Variants in PPFIA1 observed in about 807,000 individuals in gnomAD.
The protein encoded by PPFIA1 is liprin-alpha-1.
In PPFIA1, 25 loss-of-function variants were observed where a neutral mutation model predicts 149.9. The ratio of observed to expected loss-of-function variants is 0.17; its 90% CI spans 0.12 to 0.23. The LOEUF (loss-of-function observed/expected upper bound fraction) is 0.23, where lower values mean the gene tolerates loss of function less well. Among genes scored for constraint, PPFIA1 ranks in the 10% least tolerant of loss-of-function variants. The pLI is 1.00. For missense variants in PPFIA1, 1,362 were observed against 1,506.5 expected (o/e 0.90, Z 1.59); for synonymous variants, 549 against 552.8 (o/e 0.99, Z 0.10).
chr11:70,307,900 T>G (rs2052974755), intron 2 of PPFIA1, among the ~76,000 whole-genome samples: 1 of 152,212 alleles, frequency 6.6e-6, no homozygotes, highest in African/African-American at 2.4e-5. Flanking sequence ...CACTCCAGCC[T>G]GGGAAACAGA....
intron 16 of PPFIA1, among the ~76,000 whole-genome samples, chr11:70,349,459 C>T (rs1250497391): frequency 1.3e-5 from 2 of 152,022 alleles, no homozygotes; most frequent in Non-Finnish European, 2.9e-5. Context: ...AGTGAGAACC[C>T]CATCTTTATC....
chr11:70,372,086 C>A, intron 21 of PPFIA1, 129 bp from the exon 22 acceptor site: 1 of 788,594 alleles, frequency 1.3e-6, no homozygotes, highest in Non-Finnish European at 1.8e-6. Flanking sequence ...AATTATTTTG[C>A]AATTATAAAA....
chr11:70,335,836 G>C, intron 11 of PPFIA1, 142 bp downstream of exon 11: 1 of 940,686 alleles, frequency 1.1e-6, no homozygotes, highest in Non-Finnish European at 1.6e-6. Context: ...GAAAAGGTAT[G>C]CACAGTTATC....
At chr11:70,314,519 A>C (rs763718434) in intron 2 of PPFIA1, among the ~76,000 whole-genome samples, 1 of 152,222 alleles carries the variant, frequency 6.6e-6, no homozygotes, top group Non-Finnish European at 1.5e-5. Flanking sequence ...AAACAAAAAA[A>C]AATTATCTTA....
chr11:70,326,886 T>G (rs1416612303), intron 7 of PPFIA1, 68 bp downstream of exon 7: 2 of 1,327,752 alleles, frequency 1.5e-6, no homozygotes, highest in East Asian at 2.3e-5. Flanking sequence ...GTTAAATGAT[T>G]TTTTTTCTCT....
chr11:70,312,476 C>T (rs1356682460), intron 2 of PPFIA1, among the ~76,000 whole-genome samples: 3 of 152,158 alleles, frequency 2.0e-5, no homozygotes, highest in Admixed American at 1.3e-4. Flanking sequence ...CAGGCAGGAG[C>T]CGCTATGCCT....
intron 7 of PPFIA1, 98 bp downstream of exon 7, chr11:70,326,916 A>G: frequency 1.0e-6 from 1 of 966,552 alleles, no homozygotes; most frequent in Non-Finnish European, 1.6e-6. Context: ...TTACTCTCCC[A>G]ATTACTTTCA....
At chr11:70,355,443 CAG>C (rs1156620607) in intron 17 of PPFIA1, among the ~76,000 whole-genome samples, 194 bp from the exon 18 acceptor site, 1 of 152,118 alleles carries the variant, frequency 6.6e-6, no homozygotes, top group Non-Finnish European at 1.5e-5. Flanking sequence ...AGCTCCATGT[CAG>C]AGAGAGTCTC....
At chr11:70,316,793 C>T (rs932232162) in intron 2 of PPFIA1, among the ~76,000 whole-genome samples, 6 of 152,378 alleles carry the variant, frequency 3.9e-5, no homozygotes, top group African/African-American at 9.6e-5. Flanking sequence ...ATAAATGTCA[C>T]ATCTGATCTT....
At chr11:70,347,527 C>A (rs561364073) in intron 15 of PPFIA1, among the ~76,000 whole-genome samples, 6 of 152,140 alleles carry the variant, frequency 3.9e-5, no homozygotes, top group African/African-American at 1.4e-4. Context: ...CATAGGAAGA[C>A]CTTGTCTCTA....
intron 2 of PPFIA1, among the ~76,000 whole-genome samples, chr11:70,323,785 C>T (rs2054103660): frequency 6.6e-6 from 1 of 152,100 alleles, no homozygotes. Flanking sequence ...AGTTGATTAC[C>T]CACAGTAGGG....
At chr11:70,299,067 C>T (rs1026469417) in intron 2 of PPFIA1, among the ~76,000 whole-genome samples, 4 of 151,960 alleles carry the variant, frequency 2.6e-5, no homozygotes, top group Non-Finnish European at 4.4e-5. Flanking sequence ...GGCAAAACCC[C>T]GTCTCTACTA....
At chr11:70,308,118 G>A (rs2052991368) in intron 2 of PPFIA1, among the ~76,000 whole-genome samples, 2 of 152,156 alleles carry the variant, frequency 1.3e-5, no homozygotes, top group Admixed American at 6.5e-5. Context: ...GTGCGATCTC[G>A]GCTCACCGCA....
intron 20 of PPFIA1, 31 bp from the exon 21 acceptor site, chr11:70,362,257 G>C: frequency 6.2e-7 from 1 of 1,613,826 alleles, no homozygotes. Context: ...GTACCTCACT[G>C]TGCTGCCTTC....
chr11:70,308,119 G>T (rs938473340), intron 2 of PPFIA1, among the ~76,000 whole-genome samples: 4 of 152,196 alleles, frequency 2.6e-5, no homozygotes, highest in South Asian at 2.1e-4. Context: ...TGCGATCTCG[G>T]CTCACCGCAA....
chr11:70,292,442 C>T (rs1440383114), intron 2 of PPFIA1, among the ~76,000 whole-genome samples: 1 of 152,260 alleles, frequency 6.6e-6, no homozygotes, highest in Admixed American at 6.5e-5. Flanking sequence ...TTGGAGCCAG[C>T]TGGACTCGCA....
chr11:70,354,099 G>C, intron 16 of PPFIA1: 2 of 544,580 alleles, frequency 3.7e-6, no homozygotes, highest in Non-Finnish European at 6.4e-6. Context: ...GCGCACGCTC[G>C]TGGGGAGGCA....
chr11:70,347,818 A>T (rs1398675537), intron 15 of PPFIA1, among the ~76,000 whole-genome samples: 1 of 151,998 alleles, frequency 6.6e-6, no homozygotes, highest in African/African-American at 2.4e-5. Flanking sequence ...CCTGGCCAAC[A>T]TGGTGAAACC....
chr11:70,325,177 GT>G, intron 4 of PPFIA1, 166 bp downstream of exon 4: 1 of 615,102 alleles, frequency 1.6e-6, no homozygotes, highest in Non-Finnish European at 2.5e-6. Flanking sequence ...TGGCTTAAAT[GT>G]CTTAAAATTA....
Sources: allele counts gnomAD v4.1 joint callset (sites outside exome capture counted in the v4.1 genomes callset), GRCh38; gene constraint gnomAD v4.1.1; transcripts MANE v1.5; gene names NCBI Gene and HGNC (gene_info 2026-07-23, HGNC 2026-07-21).